The following PDE11A variants were observed in gnomAD, a reference collection of about 807,000 sequenced individuals.
The protein encoded by PDE11A is dual 3',5'-cyclic-AMP and -GMP phosphodiesterase 11A.
In PDE11A, 100 loss-of-function variants were observed where a neutral mutation model predicts 100.5. That is an observed-to-expected ratio of 1.00 (90% CI 0.85 to 1.18). The LOEUF (loss-of-function observed/expected upper bound fraction) is 1.18. Ranked by LOEUF, PDE11A falls within the 50% of genes most tolerant of loss-of-function variation. PDE11A has a pLI of 0.00. For synonymous variants in PDE11A, 381 were observed against 420.8 expected, an observed-to-expected ratio of 0.91 and a Z score of 1.16; for missense variants, 1,141 against 1,152.6, an observed-to-expected ratio of 0.99 and a Z score of 0.15.
intron 19 of PDE11A, among the ~76,000 whole-genome samples, chr2:177,646,784 T>A (rs112836507): frequency 5.8e-4 from 88 of 152,360 alleles, no homozygotes; most frequent in African/African-American, 2.0e-3. Flanking sequence ...TTAGATGTAG[T>A]CTGTGCATCT....
At chr2:177,982,652 T>C (rs996801264) in intron 2 of PDE11A, among the ~76,000 whole-genome samples, 1 of 150,784 alleles carries the variant, frequency 6.6e-6, no homozygotes, top group Non-Finnish European at 1.5e-5. Flanking sequence ...AGGAACAGAT[T>C]AAATATTTCA....
chr2:177,768,741 G>A (rs1181077059), intron 10 of PDE11A, among the ~76,000 whole-genome samples: 2 of 152,174 alleles, frequency 1.3e-5, no homozygotes, highest in Admixed American at 6.5e-5. Flanking sequence ...GAAGCATGGT[G>A]GTTAAGAACT....
chr2:177,845,781 C>A lies in PDE11A; in HGVS notation c.1368-5398G>T, dbSNP rs545988008. On this transcript the variant is annotated intron_variant, in intron 5 of 19. Coordinates refer to ENST00000286063, the MANE Select transcript of PDE11A (RefSeq NM_016953.4). ...AACGAGACTCCGTCTGCAATCCCGG[C>A]ACCTCGGGAGGCCGAGGCTGGTGGA... Among the ~76,000 whole-genome samples, 7 of 152,346 alleles carry A rather than the reference C, an allele frequency of 4.6e-5. No individual in the cohort carries two copies. The South Asian group carries it at 1.4e-3, about 32-fold the overall frequency.
intron 5 of PDE11A, among the ~76,000 whole-genome samples, chr2:177,851,281 C>G (rs1260996226): frequency 1.3e-5 from 2 of 151,924 alleles, no homozygotes; most frequent in African/African-American, 4.8e-5. Flanking sequence ...CAAACTATCT[C>G]AAGAACAAAA....
At chr2:177,651,648 G>A (rs142011360) in intron 19 of PDE11A, among the ~76,000 whole-genome samples, 1 of 152,020 alleles carries the variant, frequency 6.6e-6, no homozygotes, top group African/African-American at 2.4e-5. Flanking sequence ...CCCTCCTGCT[G>A]TCTCTCTTTC....
intron 10 of PDE11A, among the ~76,000 whole-genome samples, chr2:177,749,751 A>G (rs1265292634): frequency 6.6e-6 from 1 of 152,160 alleles, no homozygotes; most frequent in East Asian, 1.9e-4. Flanking sequence ...CATTATACCT[A>G]ACTTGAATAA....
At chr2:178,050,349 A>G (rs550242273) in intron 1 of PDE11A, among the ~76,000 whole-genome samples, 1 of 152,206 alleles carries the variant, frequency 6.6e-6, no homozygotes, top group Non-Finnish European at 1.5e-5. Flanking sequence ...CCCCATATGT[A>G]CATCACCATC....
intron 2 of PDE11A, among the ~76,000 whole-genome samples, chr2:177,938,377 C>T (rs1050860448): frequency 5.9e-5 from 9 of 152,190 alleles, no homozygotes; most frequent in African/African-American, 1.2e-4. Context: ...TCTGCCATGC[C>T]TACCAGTCTA....
chr2:177,682,469 C>T (rs1180331262), intron 15 of PDE11A, among the ~76,000 whole-genome samples: 2 of 152,194 alleles, frequency 1.3e-5, no homozygotes, highest in Non-Finnish European at 1.5e-5. Context: ...GTTTACAACT[C>T]ACACATACAC....
intron 5 of PDE11A, among the ~76,000 whole-genome samples, chr2:177,865,267 G>A (rs2084008154): frequency 1.3e-5 from 2 of 152,102 alleles, no homozygotes. Flanking sequence ...AACAGAGTGA[G>A]ACTCCATCCC....
chr2:177,819,977 A>T (rs1293354723), intron 7 of PDE11A, among the ~76,000 whole-genome samples: 2 of 150,980 alleles, frequency 1.3e-5, no homozygotes, highest in East Asian at 3.9e-4. Flanking sequence ...ATTGGTTGAT[A>T]ACTCAGATTC....
Position 178,071,872 on chromosome 2 carries a change from G to T in PDE11A, c.566C>A (p.Ala189Asp). 1 of 1,613,828 alleles carries T rather than the reference G, an allele frequency of 6.2e-7. No homozygotes were observed. The highest frequency in any genetic ancestry group is 1.1e-5 in the South Asian group (1 of 91,074). Reference sequence around the variant, plus strand: ...TTTCAGATGGCACTTGTAGTCGATGGCTGTAGGGGGATACCGAGGCAGATT... The same window carrying T: ...TTTCAGATGGCACTTGTAGTCGATGTCTGTAGGGGGATACCGAGGCAGATT... ...RVNLPRYPPT[A>D]IDYKCHLKKH... Residue 189 changes from alanine (A) to aspartate (D), a missense_variant, in exon 1 of 20, where the codon GCC becomes GAC. Physicochemically the swap from Ala to Asp is moderately radical, Grantham distance 126 (BLOSUM62 -2). Coordinates refer to ENST00000286063, the MANE Select transcript of PDE11A (RefSeq NM_016953.4).
intron 13 of PDE11A, among the ~76,000 whole-genome samples, chr2:177,711,055 G>A (rs774635289): frequency 6.6e-6 from 1 of 152,244 alleles, no homozygotes; most frequent in Non-Finnish European, 1.5e-5. Context: ...CAAGTCAGGA[G>A]ACCTGGGTTT....
At chr2:177,925,580 GT>G (rs1245005731) in intron 2 of PDE11A, among the ~76,000 whole-genome samples, 24 of 152,206 alleles carry the variant, frequency 1.6e-4, no homozygotes, top group African/African-American at 5.8e-4. Context: ...GGGGTTGTTT[GT>G]TTTTTTCTTG....
At chr2:177,723,323 C>G (rs1574079950) in intron 12 of PDE11A, 1 of 152,116 alleles carries the variant, frequency 6.6e-6, no homozygotes, top group Non-Finnish European at 1.5e-5. Flanking sequence ...TGGATTTAAA[C>G]ACGCTACCTC....
intron 2 of PDE11A, among the ~76,000 whole-genome samples, chr2:177,947,410 T>C (rs2085457023): frequency 6.6e-6 from 1 of 152,142 alleles, no homozygotes; most frequent in African/African-American, 2.4e-5. Context: ...CTTTTCATTT[T>C]GTTCTGCACT....
chr2:177,722,446 T>C (rs1033792830), intron 12 of PDE11A, among the ~76,000 whole-genome samples: 13 of 152,158 alleles, frequency 8.5e-5, no homozygotes, highest in Non-Finnish European at 1.9e-4. Context: ...ATTGTATGTT[T>C]GGTTATTAGC....
chr2:178,059,977 G>A (rs538554659), intron 1 of PDE11A, among the ~76,000 whole-genome samples: 4 of 152,308 alleles, frequency 2.6e-5, no homozygotes, highest in Middle Eastern at 3.4e-3. Context: ...ACATCCCTGG[G>A]TTCTAGAGTC....
intron 1 of PDE11A, among the ~76,000 whole-genome samples, chr2:178,052,934 T>C (rs1474700282): frequency 1.3e-5 from 2 of 152,000 alleles, no homozygotes; most frequent in African/African-American, 2.4e-5. Context: ...CTACCAGAGG[T>C]ACAAAGAGGA....
Sources: gnomAD v4.1 joint callset for allele counts (sites outside exome capture counted in the v4.1 genomes callset) on GRCh38, gnomAD v4.1.1 for gene constraint, MANE v1.5 for transcripts, NCBI Gene and HGNC (gene_info 2026-07-23, HGNC 2026-07-21) for gene names.